SHANK2: variants seen among roughly 807,000 people sequenced by gnomAD.
The protein encoded by SHANK2 is SH3 and multiple ankyrin repeat domains protein 2.
SHANK2 carries 43 observed loss-of-function variants against 133.7 expected under a neutral mutation model. That is an observed-to-expected ratio of 0.32 (90% confidence interval 0.25 to 0.41). The LOEUF (loss-of-function observed/expected upper bound fraction) is 0.41, where lower values mean the gene tolerates loss of function less well. Among genes scored for constraint, SHANK2 ranks in the 10% least tolerant of loss-of-function variants. SHANK2 has a pLI of 1.00. For synonymous variants in SHANK2, 1,017 were observed against 952.8 expected (o/e 1.07, Z -1.24); for missense variants, 1,994 against 2,235.8 (o/e 0.89, Z 2.18).
At chr11:70,817,898 C>T (rs1051808923) in intron 12 of SHANK2, among the ~76,000 whole-genome samples, 6 of 152,180 alleles carry the variant, frequency 3.9e-5, no homozygotes, top group African/African-American at 1.2e-4. Context: ...CCACATTCAA[C>T]TAATTTTTGT....
chr11:71,153,622 G>A (rs200386777), intron 2 of SHANK2, among the ~76,000 whole-genome samples: 38 of 152,162 alleles, frequency 2.5e-4, no homozygotes, highest in African/African-American at 4.3e-4. Flanking sequence ...CACGGCCAGC[G>A]CTGACTTTGT....
chr11:70,808,592 A>G (rs1233183305), intron 12 of SHANK2, among the ~76,000 whole-genome samples: 3 of 142,632 alleles, frequency 2.1e-5, no homozygotes, highest in Non-Finnish European at 4.6e-5. Flanking sequence ...AAAATTGGCC[A>G]GGCATGGTGC....
At chr11:70,773,215 C>A (rs781981650) in intron 14 of SHANK2, among the ~76,000 whole-genome samples, 1 of 152,244 alleles carries the variant, frequency 6.6e-6, no homozygotes, top group African/African-American at 2.4e-5. Flanking sequence ...AAGGTGATGT[C>A]TTGCTGTGCA....
At chr11:70,587,963 A>C (rs1554987216) in intron 17 of SHANK2, among the ~76,000 whole-genome samples, 2 of 152,102 alleles carry the variant, frequency 1.3e-5, no homozygotes, top group Non-Finnish European at 2.9e-5. Flanking sequence ...TAACATTTCA[A>C]ACTTTTTCAG....
intron 10 of SHANK2, among the ~76,000 whole-genome samples, chr11:70,906,280 G>A (rs529006865): frequency 9.2e-5 from 14 of 152,324 alleles, no homozygotes; most frequent in South Asian, 8.3e-4. Flanking sequence ...TGGTGAGGGC[G>A]CCATGGAGCG....
At chr11:71,238,975 A>G (rs1954856448) in intron 1 of SHANK2, among the ~76,000 whole-genome samples, 1 of 152,246 alleles carries the variant, frequency 6.6e-6, no homozygotes, top group Admixed American at 6.5e-5. Context: ...AAAGAAAAAG[A>G]CACAGAGACA....
intron 10 of SHANK2, among the ~76,000 whole-genome samples, chr11:70,920,689 G>T (rs538526637): frequency 2.6e-4 from 40 of 152,336 alleles, no homozygotes; most frequent in African/African-American, 9.6e-4. Context: ...GCACGCCACT[G>T]CAGGGGAGAA....
chr11:70,610,743 C>A (rs544070708), intron 17 of SHANK2, among the ~76,000 whole-genome samples: 3 of 152,232 alleles, frequency 2.0e-5, no homozygotes, highest in African/African-American at 7.2e-5. Flanking sequence ...ATGGGGCTGG[C>A]GTGCAGGAAA....
chr11:71,149,529 G>A (rs181558680), intron 2 of SHANK2, among the ~76,000 whole-genome samples: 16 of 149,910 alleles, frequency 1.1e-4, no homozygotes, highest in South Asian at 2.2e-4. Flanking sequence ...CTTCACTGAC[G>A]GGTGCTCTAT....
chr11:71,126,874 A>T (rs1383462923), intron 3 of SHANK2, among the ~76,000 whole-genome samples: 2 of 151,854 alleles, frequency 1.3e-5, no homozygotes. Flanking sequence ...TACCCAGCCA[A>T]TTTTTTGTAT....
In SHANK2 at chr11:70,807,465, T is replaced by C. The variant is rs958054917; in HGVS notation, c.1494-294A>G. ...GGCACCGTTCACAGCAGCCCAAGGG[T>C]CCCTCCACAGAATGGAGAGACACAG... On this transcript the variant is annotated intron_variant, in intron 12 of 25. Transcript: ENST00000601538. The surrounding 1 kb of genome is among the most constrained non-coding windows in gnomAD (Gnocchi z 4.8). Among the ~76,000 whole-genome samples the C allele has an allele frequency of 6.6e-6, 1 of 150,700 alleles. No individual in the cohort carries two copies. Among genetic ancestry groups the C allele is most frequent in the Non-Finnish European group, 1.5e-5 (1 of 67,660 alleles).
At chr11:71,079,481 C>T (rs902085698) in intron 8 of SHANK2, among the ~76,000 whole-genome samples, 8,208 of 152,160 alleles carry the variant, frequency 0.054, 270 homozygotes, top group East Asian at 0.13. Context: ...AGTTAATAGG[C>T]CAGGTGTGGT....
intron 1 of SHANK2, among the ~76,000 whole-genome samples, chr11:71,245,617 C>T (rs368323447): frequency 8.5e-5 from 13 of 152,312 alleles, no homozygotes; most frequent in East Asian, 1.9e-4. Flanking sequence ...TTCTTCTGCA[C>T]GGTGGAGTGG....
intron 17 of SHANK2, among the ~76,000 whole-genome samples, chr11:70,573,535 T>C (rs142189744): frequency 0.053 from 3,300 of 62,462 alleles, 124 homozygotes; most frequent in African/African-American, 0.16. Flanking sequence ...CCCATGTGTC[T>C]GTGTGTGTGG....
chr11:70,656,708 T>C (rs564595419), intron 17 of SHANK2, among the ~76,000 whole-genome samples: 1 of 152,332 alleles, frequency 6.6e-6, no homozygotes, highest in African/African-American at 2.4e-5. Flanking sequence ...CGTCCACCTC[T>C]GAGGTGAACC....
intron 17 of SHANK2, among the ~76,000 whole-genome samples, chr11:70,590,903 G>A (rs187190099): frequency 2.6e-5 from 4 of 152,332 alleles, no homozygotes; most frequent in Admixed American, 6.5e-5. Context: ...TGGAGTTAAC[G>A]AGGCTCCTCT....
intron 17 of SHANK2, among the ~76,000 whole-genome samples, chr11:70,548,450 C>T (rs1457016612): frequency 2.0e-5 from 3 of 152,204 alleles, no homozygotes; most frequent in East Asian, 1.9e-4. Context: ...GACCTCAGCC[C>T]GTCTCCCGCT....
In SHANK2 at chr11:70,515,536, T is replaced by C. The variant is rs142633829; in HGVS notation, c.2062-12605A>G. On this transcript the variant is annotated intron_variant, in intron 17 of 25. Transcript: ENST00000601538. ...TTTAATGCCAGCCCGGAGCGGTGGCTCATGTCTATAATCCCAGCACTCTGG... is the reference window on the plus strand; with the variant it reads ...TTTAATGCCAGCCCGGAGCGGTGGCCCATGTCTATAATCCCAGCACTCTGG... Among the ~76,000 whole-genome samples the C allele has an allele frequency of 5.4e-3, 803 of 149,170 alleles. 14 individuals are homozygous for C. The highest frequency in any genetic ancestry group is 0.019 in the African/African-American group (764 of 40,334).
intron 14 of SHANK2, among the ~76,000 whole-genome samples, chr11:70,760,733 C>G (rs1244383980): frequency 6.6e-6 from 1 of 152,206 alleles, no homozygotes; most frequent in Non-Finnish European, 1.5e-5. Flanking sequence ...CCTGTCCCTG[C>G]CTAGGCAGTG....
Sources: gnomAD v4.1 joint callset for allele counts (sites outside exome capture counted in the v4.1 genomes callset) on GRCh38, gnomAD v4.1.1 for gene constraint, Gnocchi (gnomAD v3.1) non-coding constraint, MANE v1.5 for transcripts, NCBI Gene and HGNC (gene_info 2026-07-23, HGNC 2026-07-21) for gene names.